Variants in ZBTB5 observed in about 807,000 individuals in gnomAD.
ZBTB5 encodes the protein zinc finger and BTB domain containing 5.
In ZBTB5, 15 loss-of-function variants were observed where a neutral mutation model predicts 37.9. The observed-to-expected ratio is 0.40, with a 90% CI of 0.26 to 0.61. The LOEUF is 0.61. ZBTB5 is among the 20% of genes least tolerant of loss of function. The probability of loss-of-function intolerance (pLI) is 0.47; values close to 1 mark genes in which losing one functional copy is unlikely to be tolerated. For synonymous variants in ZBTB5, 315 were observed against 312.4 expected, an observed-to-expected ratio of 1.01 and a Z score of -0.09; for missense variants, 708 against 856.8, an observed-to-expected ratio of 0.83 and a Z score of 2.17.
intron 1 of ZBTB5, among the ~76,000 whole-genome samples, chr9:37,463,548 G>C (rs757202392): frequency 1.8e-4 from 28 of 152,178 alleles, no homozygotes; most frequent in Non-Finnish European, 2.2e-4. Flanking sequence ...CTGAACACAA[G>C]ATATTTTAAA....
At chr9:37,446,363 G>A (rs1005106268) in intron 1 of ZBTB5, among the ~76,000 whole-genome samples, 1 of 152,126 alleles carries the variant, frequency 6.6e-6, no homozygotes, top group Non-Finnish European at 1.5e-5. Flanking sequence ...AACTGAAATG[G>A]CAAACTAAGT....
At chr9:37,461,593 G>GT (rs1163606184) in intron 1 of ZBTB5, among the ~76,000 whole-genome samples, 4 of 152,146 alleles carry the variant, frequency 2.6e-5, no homozygotes, top group Non-Finnish European at 4.4e-5. Flanking sequence ...GTCGGGCATG[G>GT]TGGCACGAGC....
intron 1 of ZBTB5, 54 bp from the exon 2 acceptor site, chr9:37,442,609 G>A (rs769449304): frequency 1.3e-5 from 18 of 1,397,108 alleles, no homozygotes; most frequent in Non-Finnish European, 1.8e-5. Flanking sequence ...TTCAAAGTCA[G>A]AACACAAAGG....
chr9:37,442,373 T>C lies in ZBTB5; in HGVS notation c.179A>G (p.Gln60Arg). 1 of 1,614,198 alleles carries C rather than the reference T, an allele frequency of 6.2e-7. No individual in the cohort carries two copies. The highest frequency in any genetic ancestry group is 1.1e-5 in the South Asian group (1 of 91,084). Reference protein sequence around the residue: ...RALFSVAEGDQTMNMIQLDSE... With the variant: ...RALFSVAEGDRTMNMIQLDSE... ...ATCCAGCTGGATCATGTTCATGGTC[T>C]GATCTCCTTCTGCCACTGAGAACAG... The change falls in exon 2 of 2, where the codon CAG (glutamine) becomes CGG (arginine). Residue 60 changes from glutamine (Q) to arginine (R), a missense_variant. Physicochemically the swap from Gln to Arg is conservative, Grantham distance 43 (BLOSUM62 1). Coordinates refer to ENST00000307750, the MANE Select transcript of ZBTB5 (RefSeq NM_014872.3).
intron 1 of ZBTB5, among the ~76,000 whole-genome samples, chr9:37,462,136 A>G (rs1291038825): frequency 6.6e-6 from 1 of 152,184 alleles, no homozygotes; most frequent in African/African-American, 2.4e-5. Context: ...CTAAAATTCT[A>G]TTAATTTTAC....
At chr9:37,464,522 T>C (rs538029571) in intron 1 of ZBTB5, among the ~76,000 whole-genome samples, 1 of 152,292 alleles carries the variant, frequency 6.6e-6, no homozygotes, top group African/African-American at 2.4e-5. Context: ...AAAATGACCA[T>C]TATGAAAGGA....
At chr9:37,465,140 G>C (rs1268655834) in intron 1 of ZBTB5, 75 bp downstream of exon 1, 1 of 152,328 alleles carries the variant, frequency 6.6e-6, no homozygotes, top group Non-Finnish European at 1.5e-5. Flanking sequence ...CGACGCCTTG[G>C]CGCGCCCCTG....
intron 1 of ZBTB5, among the ~76,000 whole-genome samples, chr9:37,459,374 C>T (rs1383900509): frequency 6.6e-6 from 1 of 151,566 alleles, no homozygotes; most frequent in Non-Finnish European, 1.5e-5. Flanking sequence ...GCAGAAGAAT[C>T]GCTTGAACCT....
intron 1 of ZBTB5, 96 bp from the exon 2 acceptor site, chr9:37,442,651 G>C (rs1823907609): frequency 4.0e-6 from 4 of 1,002,368 alleles, no homozygotes; most frequent in Non-Finnish European, 4.3e-6. Context: ...GGATGGCCAA[G>C]CTTGGACCTT....
rs752126448 is a variant in ZBTB5 at position 37,441,906 on chromosome 9, C to T, written c.646G>A (p.Asp216Asn). 2 of 1,614,152 alleles carry T rather than the reference C, an allele frequency of 1.2e-6. No homozygotes were observed. Among genetic ancestry groups the T allele is most frequent in the Non-Finnish European group, 1.7e-6 (2 of 1,180,038 alleles). The part of the protein sequence containing the change: ...RPSIDESAIS[D>N]VTPENGPSGV... ...GAAGGCCCATTCTCCGGTGTAACAT[C>T]TGAAATGGCAGACTCATCTATGGAG... Residue 216 changes from aspartate (D) to asparagine (N), a missense_variant, in exon 2 of 2, where the codon GAT becomes AAT. Physicochemically the swap from Asp to Asn is conservative, Grantham distance 23. Transcript: ENST00000307750.
At chr9:37,450,542 T>C (rs1334931570) in intron 1 of ZBTB5, among the ~76,000 whole-genome samples, 1 of 152,156 alleles carries the variant, frequency 6.6e-6, no homozygotes, top group African/African-American at 2.4e-5. Flanking sequence ...AGTATTACCT[T>C]TAACCAAGGA....
chr9:37,462,787 C>A (rs914525970), intron 1 of ZBTB5, among the ~76,000 whole-genome samples: 4 of 152,124 alleles, frequency 2.6e-5, no homozygotes, highest in Admixed American at 6.6e-5. Flanking sequence ...TGGTCTTGAA[C>A]TCCTGAGCTC....
chr9:37,449,075 G>T (rs1406682566), intron 1 of ZBTB5, among the ~76,000 whole-genome samples: 1 of 151,418 alleles, frequency 6.6e-6, no homozygotes, highest in African/African-American at 2.4e-5. Flanking sequence ...ACAATTACAT[G>T]TTAACATAAC....
chr9:37,453,039 G>A (rs1035874829), intron 1 of ZBTB5, among the ~76,000 whole-genome samples: 4 of 152,198 alleles, frequency 2.6e-5, no homozygotes, highest in Admixed American at 2.6e-4. Context: ...ATAAACAGAT[G>A]CTACTGTCTA....
chr9:37,441,598 G>A lies in ZBTB5; in HGVS notation c.954C>T (p.Gly318=). 6.2e-7 allele frequency: 1 copy of A among 1,612,660 alleles called. No individual in the cohort carries two copies. ...CTCTCATGTGCTCCTTCTCACCAAG[G>A]CCAACCTCAGGGTTTTCACACTGAA... is the stretch of plus-strand genomic sequence containing the variant. The part of the protein sequence containing the change: ...SSFQCENPEV[G]LGEKEHMRVV... Residue 318 remains glycine (G), a synonymous_variant, in exon 2 of 2, where the codon GGC becomes GGT. Coordinates refer to ENST00000307750, the MANE Select transcript of ZBTB5 (RefSeq NM_014872.3).
At position 37,442,177 on chromosome 9, in the gene ZBTB5, G is replaced by A. The variant is rs1438186534; in HGVS notation, c.375C>T (p.Pro125=). The A allele has an allele frequency of 3.7e-6, 6 of 1,614,188 alleles. No individual in the cohort carries two copies. Among genetic ancestry groups the A allele is most frequent in the Admixed American group, 1.7e-5 (1 of 60,020 alleles). The change falls in exon 2 of 2, where the codon CCC becomes CCT. Residue 125 remains proline (P), a synonymous_variant. Coordinates refer to ENST00000307750, the MANE Select transcript of ZBTB5 (RefSeq NM_014872.3). ...GAACGCGCTCACTGGGGGGAGACAT[G>A]GGCAGCGTCCTTGTCGTTAAGTAAT... ...CKHYLTTRTL[P]MSPPSERVQE...
chr9:37,464,008 G>A (rs1824342324), intron 1 of ZBTB5, among the ~76,000 whole-genome samples: 1 of 152,158 alleles, frequency 6.6e-6, no homozygotes, highest in South Asian at 2.1e-4. Flanking sequence ...AAGGAAGAGT[G>A]AACGGTTTCC....
At position 37,442,362 on chromosome 9, in the gene ZBTB5, T is replaced by A. The variant is rs201074575; in HGVS notation, c.190A>T (p.Met64Leu). ...ACCACCTCGCTATCCAGCTGGATCA[T>A]GTTCATGGTCTGATCTCCTTCTGCC... ...SVAEGDQTMN[M>L]IQLDSEVVTA... The change falls in exon 2 of 2, where the codon ATG becomes TTG. Residue 64 changes from methionine to leucine, a missense_variant. Coordinates refer to ENST00000307750, the MANE Select transcript of ZBTB5 (RefSeq NM_014872.3). The A allele has an allele frequency of 2.5e-6, 4 of 1,614,080 alleles. No individual in the cohort carries two copies. The African/African-American group carries it at 5.3e-5, about 22-fold the overall frequency.
chr9:37,445,706 G>C (rs997279621), intron 1 of ZBTB5, among the ~76,000 whole-genome samples: 1 of 152,030 alleles, frequency 6.6e-6, no homozygotes, highest in African/African-American at 2.4e-5. Flanking sequence ...TGAAATAATT[G>C]AAAGTGGTTG....
Sources: gnomAD v4.1 joint callset for allele counts (sites outside exome capture counted in the v4.1 genomes callset) on GRCh38, gnomAD v4.1.1 for gene constraint, MANE v1.5 for transcripts, NCBI Gene and HGNC (gene_info 2026-07-23, HGNC 2026-07-21) for gene names.